The following DNAH10 variants were observed in gnomAD, a reference collection of about 807,000 sequenced individuals.
DNAH10 encodes the protein axonemal beta dynein heavy chain 10.
A neutral mutation model predicts 506.6 loss-of-function variants in DNAH10; 348 were observed. That is an observed-to-expected ratio of 0.69 (90% CI 0.63 to 0.75). The LOEUF (loss-of-function observed/expected upper bound fraction) is 0.75, where lower values mean the gene tolerates loss of function less well. Ranked by LOEUF, DNAH10 falls within the 30% of genes least tolerant of loss-of-function variation. The pLI is 0.00. For synonymous variants in DNAH10, 2,059 were observed against 2,198.6 expected, an observed-to-expected ratio of 0.94 and a Z score of 1.78; for missense variants, 5,179 against 5,787.1, an observed-to-expected ratio of 0.89 and a Z score of 3.41.
intron 51 of DNAH10, among the ~76,000 whole-genome samples, chr12:123,886,800 C>T (rs11834622): frequency 0.032 from 4,839 of 152,262 alleles, 266 homozygotes; most frequent in African/African-American, 0.11. Flanking sequence ...ACATCGATTT[C>T]GTGTGTACAT....
At chr12:123,835,792 T>C (rs1961075776) in intron 28 of DNAH10, among the ~76,000 whole-genome samples, 1 of 152,152 alleles carries the variant, frequency 6.6e-6, no homozygotes. Flanking sequence ...GCTCAGCTAA[T>C]TAAAACATTT....
chr12:123,766,348 T>C (rs1957049928), intron 1 of DNAH10, among the ~76,000 whole-genome samples: 1 of 152,048 alleles, frequency 6.6e-6, no homozygotes, highest in African/African-American at 2.4e-5. Context: ...CCTTGTTCCA[T>C]CTACAGTCTA....
chr12:123,833,373 G>A (rs1960785881), intron 27 of DNAH10, 26 bp downstream of exon 27: 3 of 1,573,276 alleles, frequency 1.9e-6, no homozygotes, highest in Non-Finnish European at 2.6e-6. Flanking sequence ...AACAAAAGAT[G>A]GATTAGAGCC....
Position 123,859,258 on chromosome 12 carries a change from GC to G in DNAH10, c.6742del (p.Gln2248ArgfsTer6), listed in dbSNP as rs754147789. The G allele has an allele frequency of 1.2e-6, 2 of 1,603,404 alleles. No individual in the cohort carries two copies. Among genetic ancestry groups the G allele is most frequent in the South Asian group, 2.3e-5 (2 of 88,392 alleles). ...KSVVINTLCQ[A>X]QTKLGLTTKL... The stretch of plus-strand genomic sequence containing the variant: ...CGTCGTCATTAACACTCTGTGTCAG[GC>G]CCAGACCAAGTGAGTATGACCTCCG... On this transcript the variant is annotated frameshift_variant, in exon 38 of 79. Coordinates refer to ENST00000673944, the MANE Select transcript of DNAH10 (RefSeq NM_001372106.1). LOFTEE classifies it high-confidence loss of function.
chr12:123,910,462 T>C (rs1268702765), intron 58 of DNAH10, 74 bp from the exon 59 acceptor site: 1 of 1,553,802 alleles, frequency 6.4e-7, no homozygotes, highest in Non-Finnish European at 8.7e-7. Context: ...AAACTAGTTA[T>C]GCTTATTTTG....
chr12:123,910,832 C>T (rs1954032751), intron 59 of DNAH10, among the ~76,000 whole-genome samples, 160 bp downstream of exon 59: 1 of 150,450 alleles, frequency 6.6e-6, no homozygotes, highest in African/African-American at 2.5e-5. Context: ...TCCTGAAACA[C>T]CACTATCACT....
At chr12:123,816,442 T>A (rs540956075) in intron 21 of DNAH10, among the ~76,000 whole-genome samples, 1 of 152,274 alleles carries the variant, frequency 6.6e-6, no homozygotes, top group East Asian at 1.9e-4. Flanking sequence ...ATGATGGGAT[T>A]TGGAGAGCTT....
chr12:123,899,545 A>C (rs1048654364), intron 56 of DNAH10, among the ~76,000 whole-genome samples: 1 of 152,082 alleles, frequency 6.6e-6, no homozygotes, highest in Admixed American at 6.5e-5. Context: ...TCCATTTGTC[A>C]TCACTCTGGC....
chr12:123,868,903 T>C (rs1397166363), intron 43 of DNAH10, among the ~76,000 whole-genome samples: 1 of 152,230 alleles, frequency 6.6e-6, no homozygotes. Flanking sequence ...GAAATCTCCC[T>C]TTGGGGAGTG....
At position 123,846,112 on chromosome 12, in the gene DNAH10, C is replaced by T; in HGVS notation, c.5772C>T (p.Val1924=). The T allele has an allele frequency of 6.2e-7, 1 of 1,613,920 alleles. No individual in the cohort carries two copies. Among genetic ancestry groups the T allele is most frequent in the Non-Finnish European group, 8.5e-7 (1 of 1,179,890 alleles). ...YEYMGLNGRL[V]ITPLTDRIYL... ...ACATGGGCCTGAACGGCAGGCTGGTCATCACGCCCCTCACCGATCGGATTT... is the reference window on the plus strand; with the variant it reads ...ACATGGGCCTGAACGGCAGGCTGGTTATCACGCCCCTCACCGATCGGATTT... Residue 1924 remains valine (V), a synonymous_variant, in exon 32 of 79, where the codon GTC becomes GTT. Transcript: ENST00000673944. The surrounding 1 kb of genome is among the most constrained non-coding windows in gnomAD (Gnocchi z 4.5).
rs1954471539 is a variant in DNAH10 at position 123,916,226 on chromosome 12, G to A, written c.10723-231G>A. On this transcript the variant is annotated intron_variant, in intron 62 of 78. Transcript: ENST00000673944. This position sits in a 1 kb window ranked among gnomAD's most constrained non-coding sequence, Gnocchi z 4.6. ...AGGGGTTCTAGCTTACGGGAGAGGG[G>A]CTGAGGAATCCCCTTCCTTTCCTCT... 6.6e-6 allele frequency among the ~76,000 whole-genome samples: 1 copy of A among 152,156 alleles called. No homozygotes were observed. The highest frequency in any genetic ancestry group is 2.1e-4 in the South Asian group (1 of 4,828).
chr12:123,817,626 G>A (rs538931099), intron 21 of DNAH10, among the ~76,000 whole-genome samples: 24 of 152,070 alleles, frequency 1.6e-4, no homozygotes, highest in African/African-American at 5.3e-4. Context: ...ATTTTAAATT[G>A]TGTGTCTTAT....
At chr12:123,877,999 GA>G (rs1952335478) in intron 48 of DNAH10, 91 bp downstream of exon 48, 1 of 1,439,480 alleles carries the variant, frequency 6.9e-7, no homozygotes, top group African/African-American at 1.4e-5. Context: ...TGGATTTGAT[GA>G]ATCGTTGTAT....
chr12:123,881,840 A>C, intron 51 of DNAH10, 27 bp downstream of exon 51: 1 of 1,448,046 alleles, frequency 6.9e-7, no homozygotes, highest in Non-Finnish European at 9.1e-7. Flanking sequence ...TCCCAGAAAT[A>C]GGTTTACGAT....
At chr12:123,908,493 C>G in intron 57 of DNAH10, 1 of 456,232 alleles carries the variant, frequency 2.2e-6, no homozygotes, top group South Asian at 1.5e-5. Context: ...TTCTGTCTTT[C>G]CATGGCGTGG....
chr12:123,847,853 A>G, intron 32 of DNAH10, 108 bp from the exon 33 acceptor site: 1 of 1,415,710 alleles, frequency 7.1e-7, no homozygotes. Flanking sequence ...AGCAAACACC[A>G]CATTCTTTCT....
chr12:123,842,374 C>A (rs925628879), intron 30 of DNAH10, among the ~76,000 whole-genome samples: 1 of 152,240 alleles, frequency 6.6e-6, no homozygotes, highest in Non-Finnish European at 1.5e-5. Context: ...CTGCTCCTAG[C>A]AGCTGAGTGC....
intron 44 of DNAH10, among the ~76,000 whole-genome samples, chr12:123,871,140 G>C (rs944904398): frequency 6.6e-6 from 1 of 152,204 alleles, no homozygotes; most frequent in Non-Finnish European, 1.5e-5. Flanking sequence ...TGCTCAGGAA[G>C]TTAAATCCCG....
chr12:123,919,166 C>T lies in DNAH10; in HGVS notation c.11506+217C>T. On this transcript the variant is annotated intron_variant, in intron 65 of 78. Coordinates refer to ENST00000673944, the MANE Select transcript of DNAH10 (RefSeq NM_001372106.1). This position sits in a 1 kb window ranked among gnomAD's most constrained non-coding sequence, Gnocchi z 4.9. ...TCACGGCTCACTGCAACCTCCACCT[C>T]CCAGGCTCAGGTGATCCTCCTACCT... is the stretch of plus-strand genomic sequence containing the variant. 1 of 544,556 alleles carries T rather than the reference C, an allele frequency of 1.8e-6. No individual in the cohort carries two copies. The allele number at this position is 544,556 out of a possible 1,614,324, so 33.7% of individuals were successfully genotyped here.
Sources: allele counts gnomAD v4.1 joint callset (sites outside exome capture counted in the v4.1 genomes callset), GRCh38; gene constraint gnomAD v4.1.1; non-coding constraint Gnocchi (gnomAD v3.1); transcripts MANE v1.5; gene names NCBI Gene and HGNC (gene_info 2026-07-23, HGNC 2026-07-21).